Variants in ARHGAP17 observed in about 807,000 individuals in gnomAD.
The protein encoded by ARHGAP17 is rho GTPase-activating protein 17.
In ARHGAP17, 57 loss-of-function variants were observed where a neutral mutation model predicts 99.5. The observed-to-expected ratio is 0.57, with a 90% CI of 0.46 to 0.71. The LOEUF is 0.71. ARHGAP17 is among the 30% of genes least tolerant of loss of function. The probability of loss-of-function intolerance (pLI) is 0.00; values close to 1 mark genes in which losing one functional copy is unlikely to be tolerated. For missense variants in ARHGAP17, 1,000 were observed against 1,122.4 expected (o/e 0.89, Z 1.56); for synonymous variants, 417 against 429.6 (o/e 0.97, Z 0.36).
intron 1 of ARHGAP17, among the ~76,000 whole-genome samples, chr16:24,985,088 T>C (rs755246196): frequency 2.6e-5 from 4 of 152,128 alleles, no homozygotes; most frequent in African/African-American, 9.7e-5. Context: ...CAGAGGACAT[T>C]TGGCAATGTC....
chr16:24,983,653 T>C (rs1484477143), intron 1 of ARHGAP17, among the ~76,000 whole-genome samples: 15 of 152,032 alleles, frequency 9.9e-5, no homozygotes, highest in Admixed American at 8.5e-4. Flanking sequence ...TGTATATGGG[T>C]TTTTTCTGCT....
At chr16:24,934,720 G>T (rs1019077395) in intron 18 of ARHGAP17, among the ~76,000 whole-genome samples, 2 of 152,164 alleles carry the variant, frequency 1.3e-5, no homozygotes, top group Non-Finnish European at 1.5e-5. Flanking sequence ...GCCTCCCAAA[G>T]TGCTGGGATT....
At chr16:24,984,119 G>T (rs1026482477) in intron 1 of ARHGAP17, among the ~76,000 whole-genome samples, 1 of 152,112 alleles carries the variant, frequency 6.6e-6, no homozygotes, top group Non-Finnish European at 1.5e-5. Context: ...ATTTCCAATT[G>T]GTCTGATATT....
At chr16:24,942,583 A>C (rs1034288222) in intron 15 of ARHGAP17, among the ~76,000 whole-genome samples, 2 of 152,142 alleles carry the variant, frequency 1.3e-5, no homozygotes, top group East Asian at 1.9e-4. Flanking sequence ...CCTGGCCAAG[A>C]ACGTGAAACC....
In ARHGAP17 at chr16:24,959,107, TTGAA is replaced by T. The variant is rs2051901866; in HGVS notation, c.724+560_724+563del. Reference sequence around the variant, plus strand: ...CTTGCAGATACAATCTGCAGTGTGCTTGAATATGATAGGAGAAATATTAATGGTG... The same window carrying T: ...CTTGCAGATACAATCTGCAGTGTGCTTATGATAGGAGAAATATTAATGGTG... On this transcript the variant is annotated intron_variant, in intron 9 of 19. Coordinates refer to ENST00000289968, the MANE Select transcript of ARHGAP17 (RefSeq NM_001006634.3). Among the ~76,000 whole-genome samples, 3 of 152,198 alleles carry T rather than the reference TTGAA, an allele frequency of 2.0e-5. No individual in the cohort carries two copies. The South Asian group carries it at 6.2e-4, about 32-fold the overall frequency.
intron 17 of ARHGAP17, 56 bp downstream of exon 17, chr16:24,939,308 C>T: frequency 6.7e-7 from 1 of 1,488,590 alleles, no homozygotes; most frequent in East Asian, 2.3e-5. Context: ...AGGCCACCAC[C>T]TGCAAGAAGG....
chr16:24,983,009 T>A (rs1459645312), intron 1 of ARHGAP17, among the ~76,000 whole-genome samples: 520 of 105,942 alleles, frequency 4.9e-3, no homozygotes, highest in Non-Finnish European at 7.3e-3. Context: ...TTTTTTTTTT[T>A]TTTTTTTTTT....
chr16:24,941,905 C>T (rs1311397082), intron 16 of ARHGAP17, 82 bp downstream of exon 16: 1 of 1,597,386 alleles, frequency 6.3e-7, no homozygotes, highest in Non-Finnish European at 8.5e-7. Context: ...CTCTCAAATC[C>T]CAAGTCCACT....
chr16:24,981,971 T>C (rs115686632), intron 1 of ARHGAP17, among the ~76,000 whole-genome samples: 2,441 of 152,338 alleles, frequency 0.016, 62 homozygotes, highest in African/African-American at 0.055. Context: ...GAAAACTATA[T>C]TGAATATATT....
rs183720310 is a variant in ARHGAP17, at chr16:24,963,644, C to T, written c.573+553G>A. Reference sequence around the variant, plus strand: ...CAGGTGGATGCAGAGAGAATGAGATCACTTGACCATCTAATTAATCTGTAA... The same window carrying T: ...CAGGTGGATGCAGAGAGAATGAGATTACTTGACCATCTAATTAATCTGTAA... On this transcript the variant is annotated intron_variant, in intron 7 of 19. Transcript: ENST00000289968. Among the ~76,000 whole-genome samples the T allele has an allele frequency of 8.3e-4, 127 of 152,234 alleles. 2 individuals carry two copies. Among genetic ancestry groups the T allele is most frequent in the African/African-American group, 3.0e-3 (123 of 41,556 alleles).
chr16:24,998,069 T>C (rs947972053), intron 1 of ARHGAP17, among the ~76,000 whole-genome samples: 1 of 151,274 alleles, frequency 6.6e-6, no homozygotes, highest in Admixed American at 6.6e-5. Context: ...GGGGACAGGA[T>C]AGGAGTCCCC....
At chr16:25,007,543 G>A (rs1329834030) in intron 1 of ARHGAP17, among the ~76,000 whole-genome samples, 5 of 151,918 alleles carry the variant, frequency 3.3e-5, no homozygotes, top group Non-Finnish European at 7.4e-5. Flanking sequence ...AACTTTTTGC[G>A]TGTGTAGAGA....
In ARHGAP17 at chr16:24,939,427, C is replaced by T; in HGVS notation, c.1661G>A (p.Gly554Glu). ...PQSSRAESSS[G>E]GGTVPSSAGI... is the part of the protein sequence containing the mutation. ...CGCGGAAGAGGGGACAGTCCCACCCCCAGAGCTGCTTTCAGCCCTAGAGCT... is the reference window on the plus strand; with the variant it reads ...CGCGGAAGAGGGGACAGTCCCACCCTCAGAGCTGCTTTCAGCCCTAGAGCT... The change falls in exon 17 of 20, where the codon GGG (glycine) becomes GAG (glutamate). Residue 554 changes from glycine to glutamate, a missense_variant. Coordinates refer to ENST00000289968, the MANE Select transcript of ARHGAP17 (RefSeq NM_001006634.3). The T allele has an allele frequency of 6.2e-7, 1 of 1,611,966 alleles. No homozygotes were observed. Among genetic ancestry groups the T allele is most frequent in the African/African-American group, 1.3e-5 (1 of 75,014 alleles).
intron 2 of ARHGAP17, among the ~76,000 whole-genome samples, chr16:24,977,674 GTTTTCAAAAT>G (rs2052558707): frequency 6.6e-6 from 1 of 152,102 alleles, no homozygotes; most frequent in African/African-American, 2.4e-5. Flanking sequence ...CAAGATCTGT[GTTTTCAAAAT>G]TATTCCTTAT....
rs1460963545 is a variant in ARHGAP17 at position 24,952,382 on chromosome 16, A to G, written c.965-12T>C. The G allele has an allele frequency of 1.2e-6, 2 of 1,606,200 alleles. No homozygotes were observed. The highest frequency in any genetic ancestry group is 3.4e-5 in the Admixed American group (2 of 59,690). On this transcript the variant is annotated splice_polypyrimidine_tract_variant and intron_variant, in intron 11 of 19. Transcript: ENST00000289968. ...GGATTTTAAAGCACCTGAAATCATT[A>G]ACACTCTCTTTGAGTATGAAAAAGG...
intron 14 of ARHGAP17, among the ~76,000 whole-genome samples, chr16:24,946,761 T>A (rs1448802489): frequency 2.0e-5 from 3 of 152,128 alleles, no homozygotes; most frequent in Admixed American, 6.5e-5. Flanking sequence ...GCTGAACGAA[T>A]CCTTATCTTC....
rs780160241 is a variant in ARHGAP17 at position 24,919,895 on chromosome 16, A to C, written c.*235T>G. 3 of 450,532 alleles carry C rather than the reference A, an allele frequency of 6.7e-6. No individual in the cohort carries two copies. The highest frequency in any genetic ancestry group is 1.1e-5 in the Non-Finnish European group (3 of 269,288). The allele number at this position is 450,532 out of a possible 1,614,324, so 27.9% of individuals were successfully genotyped here. A position where few individuals can be genotyped will look rare whatever the true frequency, so the allele number is the denominator to read the frequency against. On this transcript the variant is annotated 3_prime_UTR_variant, in exon 20 of 20. Transcript: ENST00000289968. ...CTTCTTTGTTTTGGATTTTTTTGGCATGATTTCCTTCCCATGTAAAGAAAG... is the reference window on the plus strand; with the variant it reads ...CTTCTTTGTTTTGGATTTTTTTGGCCTGATTTCCTTCCCATGTAAAGAAAG...
intron 12 of ARHGAP17, among the ~76,000 whole-genome samples, chr16:24,950,816 G>A (rs1367692335): frequency 3.4e-5 from 4 of 117,128 alleles, no homozygotes; most frequent in South Asian, 2.5e-4. Flanking sequence ...CAGCCTGGGC[G>A]ACAGAGTGGG....
At chr16:24,938,410 C>T (rs2051202940) in intron 17 of ARHGAP17, among the ~76,000 whole-genome samples, 1 of 151,612 alleles carries the variant, frequency 6.6e-6, no homozygotes, top group Non-Finnish European at 1.5e-5. Flanking sequence ...AAGTTGCTAT[C>T]CATTTGCAGC....
Sources: gnomAD v4.1 joint callset for allele counts (sites outside exome capture counted in the v4.1 genomes callset) on GRCh38, gnomAD v4.1.1 for gene constraint, MANE v1.5 for transcripts, NCBI Gene and HGNC (gene_info 2026-07-23, HGNC 2026-07-21) for gene names.